ACOT1: variants seen among roughly 807,000 people sequenced by gnomAD.
The protein encoded by ACOT1 is acyl-CoA thioesterase 1.
In ACOT1, 8 loss-of-function variants were observed where a neutral mutation model predicts 15.7. The ratio of observed to expected loss-of-function variants is 0.51; its 90% CI spans 0.30 to 0.92. The LOEUF is 0.92. Ranked by LOEUF, ACOT1 falls within the 40% of genes least tolerant of loss-of-function variation. ACOT1 has a pLI of 0.06. For synonymous variants in ACOT1, 67 were observed against 241.2 expected, an observed-to-expected ratio of 0.28 and a Z score of 6.69; for missense variants, 151 against 539.4, an observed-to-expected ratio of 0.28 and a Z score of 7.13.
chr14:73,513,055 G>A, the ACOT1 span, among the ~76,000 whole-genome samples: 1 of 152,204 alleles, frequency 6.6e-6, no homozygotes, highest in African/African-American at 2.4e-5. Flanking sequence ...AATGAATTTT[G>A]GAGAGGGGTT....
chr14:73,514,135 G>T, the ACOT1 span: 1 of 1,614,116 alleles, frequency 6.2e-7, no homozygotes, highest in Non-Finnish European at 8.5e-7. Flanking sequence ...CAATCTCCTG[G>T]TCTTAATAGG....
upstream of ACOT1, chr14:73,537,117 G>C (rs1289015926): frequency 3.9e-6 from 1 of 256,118 alleles, no homozygotes; most frequent in Non-Finnish European, 6.7e-6. Flanking sequence ...CCGAGTAGCC[G>C]GGACGAACCA....
the ACOT1 span, chr14:73,495,290 A>G: frequency 1.9e-6 from 3 of 1,614,036 alleles, no homozygotes; most frequent in East Asian, 2.2e-5. Context: ...TTTGGGTTTC[A>G]AGTAAACACG....
At chr14:73,512,861 T>G in the ACOT1 span, among the ~76,000 whole-genome samples, 1 of 152,188 alleles carries the variant, frequency 6.6e-6, no homozygotes, top group South Asian at 2.1e-4. Flanking sequence ...CCTAATGGAT[T>G]GCCTCTCTTT....
At chr14:73,509,224 A>G in the ACOT1 span, 8,308 of 1,265,666 alleles carry the variant, frequency 6.6e-3, 430 homozygotes, top group African/African-American at 0.11. Flanking sequence ...ATTGCAGAGC[A>G]TCACAGTGGA....
At chr14:73,509,866 A>ATATATATATTTATATATT in the ACOT1 span, among the ~76,000 whole-genome samples, 4 of 67,524 alleles carry the variant, frequency 5.9e-5, no homozygotes, top group African/African-American at 2.5e-4. Flanking sequence ...ATATATATAT[A>ATATATATATTTATATATT]TATTTATTTA....
chr14:73,536,157 C>G (rs978904474), upstream of ACOT1, among the ~76,000 whole-genome samples: 1 of 114,254 alleles, frequency 8.8e-6, no homozygotes, highest in African/African-American at 2.8e-5. Flanking sequence ...AAAGGCTTAC[C>G]TTGAGGACAG....
rs537348535 is a variant in ACOT1 at position 73,537,518 on chromosome 14, A to T, written c.97A>T (p.Thr33Ser). 1 of 1,212,542 alleles carries T rather than the reference A, an allele frequency of 8.2e-7. No homozygotes were observed. Among genetic ancestry groups the T allele is most frequent in the African/African-American group, 1.6e-5 (1 of 64,196 alleles). 75.1% of individuals were successfully genotyped at this position (1,212,542 alleles called of 1,614,324 possible). A position where few individuals can be genotyped will look rare whatever the true frequency, so the allele number is the denominator to read the frequency against. Residue 33 changes from threonine to serine, a missense_variant, in exon 1 of 3, where the codon ACG (threonine) becomes TCG (serine). Physicochemically the swap from Thr to Ser is moderately conservative, Grantham distance 58. Transcript: ENST00000311148. ...CGGCCTAGCCCCGGAGCAGCCGGTC[A>T]CGCTGCGCGCGTCCCTGCGCGACGA... is the stretch of plus-strand genomic sequence containing the variant. ...VRGLAPEQPV[T>S]LRASLRDEKG...
the ACOT1 span, chr14:73,492,923 A>C: frequency 6.2e-7 from 1 of 1,612,938 alleles, no homozygotes; most frequent in Non-Finnish European, 8.5e-7. This position sits in a 1 kb window ranked among gnomAD's most constrained non-coding sequence, Gnocchi z 4.9. Flanking sequence ...GCTCACTAAG[A>C]TGCCTCTAGC....
At chr14:73,500,486 C>G in the ACOT1 span, 4 of 1,514,358 alleles carry the variant, frequency 2.6e-6, no homozygotes, top group Non-Finnish European at 3.6e-6. Flanking sequence ...CTGTGCACAA[C>G]CAGGGAAGGT....
the ACOT1 span, among the ~76,000 whole-genome samples, chr14:73,503,862 A>G: frequency 6.6e-6 from 1 of 152,130 alleles, no homozygotes. Context: ...ACTCATAGAC[A>G]TACTGCCTTT....
the ACOT1 span, chr14:73,509,323 G>T: frequency 6.2e-7 from 1 of 1,613,980 alleles, no homozygotes; most frequent in South Asian, 1.1e-5. Context: ...CTTCAGAAGG[G>T]CAGTCTGCAT....
the ACOT1 span, chr14:73,496,557 G>C: frequency 8.3e-7 from 1 of 1,206,278 alleles, no homozygotes; most frequent in Non-Finnish European, 1.2e-6. Flanking sequence ...GAACTCTTGA[G>C]AGTCCTGAAT....
the ACOT1 span, chr14:73,498,392 A>G: frequency 3.4e-6 from 5 of 1,473,796 alleles, no homozygotes; most frequent in East Asian, 4.9e-5. Context: ...AGCTTACTAT[A>G]TTCTAGCATC....
chr14:73,493,346 T>A, the ACOT1 span: 1 of 501,782 alleles, frequency 2.0e-6, no homozygotes, highest in East Asian at 3.3e-5. Flanking sequence ...TTTGTTATTG[T>A]TAAATTTGTA....
chr14:73,502,367 G>A, the ACOT1 span, among the ~76,000 whole-genome samples: 53 of 152,188 alleles, frequency 3.5e-4, 1 homozygote, highest in South Asian at 3.3e-3. Flanking sequence ...TCAGAATTGC[G>A]TCATACTTTT....
chr14:73,519,148 A>C, the ACOT1 span: 1 of 1,613,164 alleles, frequency 6.2e-7, no homozygotes. Context: ...AATCTGGTGG[A>C]TGATCTGGAC....
At chr14:73,508,161 G>A in the ACOT1 span, 14 of 1,614,002 alleles carry the variant, frequency 8.7e-6, no homozygotes, top group African/African-American at 1.3e-5. Flanking sequence ...AGCTCAGGAG[G>A]ATATAAGACT....
In ACOT1 at chr14:73,541,340, G is replaced by A. The variant is rs1463735975; in HGVS notation, c.458-153G>A. ...CTATAAACACTTGCCAGAAGTTTCT[G>A]GACGAACACAGGTTTTCATTTCTCG... On this transcript the variant is annotated intron_variant, in intron 1 of 2. Coordinates refer to ENST00000311148, the MANE Select transcript of ACOT1 (RefSeq NM_001037161.2). 5.3e-5 allele frequency among the ~76,000 whole-genome samples: 6 copies of A among 112,234 alleles called. 2 individuals are homozygous for A. The highest frequency in any genetic ancestry group is 1.1e-4 in the Non-Finnish European group (6 of 52,184). The allele number at this position is 112,234 out of a possible 152,430, so 73.6% of individuals were successfully genotyped here. A position where few individuals can be genotyped will look rare whatever the true frequency, so the allele number is the denominator to read the frequency against.
Sources: allele counts gnomAD v4.1 joint callset (sites outside exome capture counted in the v4.1 genomes callset), GRCh38; gene constraint gnomAD v4.1.1; non-coding constraint Gnocchi (gnomAD v3.1); transcripts MANE v1.5; gene names NCBI Gene and HGNC (gene_info 2026-07-23, HGNC 2026-07-21).